The following NAV3 variants were observed in gnomAD, a reference collection of about 807,000 sequenced individuals.
NAV3 encodes the protein neuron navigator 3.
In NAV3, 87 loss-of-function variants were observed where a neutral mutation model predicts 244.7. The ratio of observed to expected loss-of-function variants is 0.36; its 90% CI spans 0.30 to 0.42. NAV3 has a LOEUF of 0.42. NAV3 is among the 20% of genes least tolerant of loss of function. The pLI is 1.00. For synonymous variants in NAV3, 1,126 were observed against 1,042.2 expected, an observed-to-expected ratio of 1.08 and a Z score of -1.55; for missense variants, 2,663 against 2,893.3, an observed-to-expected ratio of 0.92 and a Z score of 1.83.
At chr12:77,971,459 AAT>A in intron 5 of NAV3, among the ~76,000 whole-genome samples, 2 of 152,206 alleles carry the variant, frequency 1.3e-5, no homozygotes, top group South Asian at 4.1e-4. Context: ...TTAAGACATT[AAT>A]ACTTATTTTT....
intron 16 of NAV3, among the ~76,000 whole-genome samples, chr12:78,124,575 A>G (rs1593685949): frequency 6.6e-6 from 1 of 152,012 alleles, no homozygotes; most frequent in East Asian, 1.9e-4. Context: ...TGCCTCAGCC[A>G]CCTGAGTAGC....
In NAV3 at chr12:78,198,588, T is replaced by C; in HGVS notation, c.6447-17T>C. 4 of 1,492,442 alleles carry C rather than the reference T, an allele frequency of 2.7e-6. No individual in the cohort carries two copies. The highest frequency in any genetic ancestry group is 2.8e-6 in the Non-Finnish European group (3 of 1,087,896). The allele number at this position is 1,492,442 out of a possible 1,614,324, so 92.4% of individuals were successfully genotyped here. ...TTACCTCCAGTAAATTAAAATTTTCTATTTATTTTTTTCTAGTCCATATAT... is the reference window on the plus strand; with the variant it reads ...TTACCTCCAGTAAATTAAAATTTTCCATTTATTTTTTTCTAGTCCATATAT... On this transcript the variant is annotated splice_polypyrimidine_tract_variant and intron_variant, in intron 35 of 39. Coordinates refer to ENST00000397909, the MANE Select transcript of NAV3 (RefSeq NM_001024383.2).
At chr12:77,769,720 C>A (rs989709795) in intron 2 of NAV3, among the ~76,000 whole-genome samples, 1 of 152,050 alleles carries the variant, frequency 6.6e-6, no homozygotes, top group Non-Finnish European at 1.5e-5. Flanking sequence ...AATAAACTGC[C>A]ATTATGGAAA....
chr12:77,751,276 A>C (rs1868840713), intron 2 of NAV3, among the ~76,000 whole-genome samples: 1 of 152,184 alleles, frequency 6.6e-6, no homozygotes, highest in South Asian at 2.1e-4. Flanking sequence ...CTTTTCGTAG[A>C]GCTATCTTTG....
intron 2 of NAV3, among the ~76,000 whole-genome samples, chr12:77,808,248 AAG>A (rs1354082378): frequency 1.3e-5 from 2 of 152,002 alleles, no homozygotes; most frequent in African/African-American, 4.8e-5. Context: ...TTTGGAGGAG[AAG>A]AAGCGTTCTG....
At chr12:78,178,587 A>T (rs985229596) in intron 28 of NAV3, among the ~76,000 whole-genome samples, 5 of 152,110 alleles carry the variant, frequency 3.3e-5, no homozygotes, top group African/African-American at 1.2e-4. Flanking sequence ...CGAATATAGA[A>T]AAGTGTTCTG....
chr12:78,023,075 C>G lies in NAV3; in HGVS notation c.2023+1213C>G, dbSNP rs546775198. On this transcript the variant is annotated intron_variant, in intron 9 of 39. Coordinates refer to ENST00000397909, the MANE Select transcript of NAV3 (RefSeq NM_001024383.2). ...AATAATGCTATGTGTCTATTATGACCAGATGTTTTATAAAATTAGCATGGC... is the reference window on the plus strand; with the variant it reads ...AATAATGCTATGTGTCTATTATGACGAGATGTTTTATAAAATTAGCATGGC... 3.3e-5 allele frequency among the ~76,000 whole-genome samples: 5 copies of G among 152,112 alleles called. No individual in the cohort carries two copies. In the South Asian group the frequency reaches 1.0e-3, roughly 32 times the overall value.
At chr12:77,923,332 A>G (rs1565924575) in intron 1 of NAV3, among the ~76,000 whole-genome samples, 2 of 152,138 alleles carry the variant, frequency 1.3e-5, no homozygotes, top group Non-Finnish European at 2.9e-5. Context: ...TTTTAAATAT[A>G]TTTTAAGCTA....
chr12:77,964,801 A>T (rs543569396), intron 3 of NAV3, among the ~76,000 whole-genome samples: 32 of 151,582 alleles, frequency 2.1e-4, no homozygotes, highest in South Asian at 1.2e-3. Flanking sequence ...ATTAATATAA[A>T]TTTTTTTTTC....
rs1396071058 is a variant in NAV3, at chr12:77,688,134, G to C, written c.72+115868G>C. ...TGTTAAATTATTCTGTTTGGTTTTT[G>C]AATCTTTCATTTCAGTTCATTACCC... On this transcript the variant is annotated intron_variant, in intron 2 of 8. Coordinates refer to the NAV3 transcript ENST00000550042. Among the ~76,000 whole-genome samples the C allele has an allele frequency of 2.6e-5, 4 of 151,832 alleles. 1 individual carries two copies. Among genetic ancestry groups the C allele is most frequent in the Non-Finnish European group, 4.4e-5 (3 of 67,928 alleles).
intron 1 of NAV3, among the ~76,000 whole-genome samples, chr12:77,838,324 G>A (rs1267150817): frequency 6.6e-6 from 1 of 152,108 alleles, no homozygotes; most frequent in Non-Finnish European, 1.5e-5. Context: ...TATTGCTCTT[G>A]AGTAACAATT....
At chr12:77,662,884 G>GT (rs901533372) in intron 2 of NAV3, among the ~76,000 whole-genome samples, 2 of 151,944 alleles carry the variant, frequency 1.3e-5, no homozygotes, top group African/African-American at 4.8e-5. Context: ...CACCTTTTCC[G>GT]TTTTTTCCCC....
intron 1 of NAV3, among the ~76,000 whole-genome samples, chr12:77,872,978 C>G (rs1192938607): frequency 2.6e-5 from 4 of 152,170 alleles, no homozygotes; most frequent in Non-Finnish European, 4.4e-5. Context: ...CGGGACCCCG[C>G]AGGAGGTAAT....
At chr12:77,597,609 CA>C (rs1001421661) in intron 2 of NAV3, among the ~76,000 whole-genome samples, 3 of 151,904 alleles carry the variant, frequency 2.0e-5, no homozygotes, top group African/African-American at 7.3e-5. Flanking sequence ...ATTCATTGAC[CA>C]AATATTGGGT....
At chr12:77,652,537 G>A (rs1355366746) in intron 2 of NAV3, among the ~76,000 whole-genome samples, 1 of 151,872 alleles carries the variant, frequency 6.6e-6, no homozygotes, top group Non-Finnish European at 1.5e-5. Context: ...AGCCAAACTA[G>A]AATACTAAAA....
intron 5 of NAV3, among the ~76,000 whole-genome samples, chr12:77,979,426 A>C (rs1410210781): frequency 1.3e-5 from 2 of 151,818 alleles, no homozygotes; most frequent in African/African-American, 4.8e-5. Flanking sequence ...AAAAATAAAA[A>C]AGCTATAATG....
intron 2 of NAV3, among the ~76,000 whole-genome samples, chr12:77,619,568 A>G (rs1453917359): frequency 6.6e-6 from 1 of 152,170 alleles, no homozygotes; most frequent in Non-Finnish European, 1.5e-5. Context: ...CTAAGCAGGC[A>G]TTGCATGGGT....
chr12:77,645,635 C>T (rs1023208222), intron 2 of NAV3, among the ~76,000 whole-genome samples: 7 of 150,878 alleles, frequency 4.6e-5, no homozygotes, highest in Admixed American at 6.6e-5. Context: ...ATGTTCTAAA[C>T]CTGCTTTTTC....
At chr12:78,027,802 G>A (rs1020120528) in intron 9 of NAV3, among the ~76,000 whole-genome samples, 7 of 152,032 alleles carry the variant, frequency 4.6e-5, no homozygotes, top group South Asian at 2.1e-4. Context: ...AGACCTATAC[G>A]CATTACTCTG....
Sources: allele counts gnomAD v4.1 joint callset (sites outside exome capture counted in the v4.1 genomes callset), GRCh38; gene constraint gnomAD v4.1.1; transcripts MANE v1.5; gene names NCBI Gene and HGNC (gene_info 2026-07-23, HGNC 2026-07-21).